The following CCDC38 variants were observed in gnomAD, a reference collection of about 807,000 sequenced individuals.
CCDC38 encodes coiled-coil domain-containing protein 38.
In CCDC38, 69 loss-of-function variants were observed where a neutral mutation model predicts 72.8. The observed-to-expected ratio is 0.95, with a 90% CI of 0.78 to 1.16. CCDC38 has a LOEUF of 1.16. CCDC38 is among the 50% of genes most tolerant of loss of function. The pLI is 0.00. For missense variants in CCDC38, 626 were observed against 638.9 expected, an observed-to-expected ratio of 0.98 and a Z score of 0.22; for synonymous variants, 201 against 213.2, an observed-to-expected ratio of 0.94 and a Z score of 0.50.
chr12:95,889,932 G>A (rs986068269), intron 9 of CCDC38, among the ~76,000 whole-genome samples: 3 of 150,424 alleles, frequency 2.0e-5, no homozygotes, highest in Admixed American at 1.3e-4. Context: ...TTTGACATAG[G>A]GTCTCACTCC....
chr12:95,927,098 G>T (rs2080279985), intron 2 of CCDC38, among the ~76,000 whole-genome samples: 1 of 152,074 alleles, frequency 6.6e-6, no homozygotes, highest in South Asian at 2.1e-4. Flanking sequence ...GGGTATGCTT[G>T]TTGACTTTCT....
chr12:95,872,522 T>C (rs1284300597), intron 13 of CCDC38, 62 bp from the exon 14 acceptor site: 1 of 1,036,812 alleles, frequency 9.6e-7, no homozygotes, highest in African/African-American at 1.6e-5. Flanking sequence ...ATATACCATT[T>C]TACTATATTA....
Position 95,890,792 on chromosome 12 carries a change from T to A in CCDC38, c.871+40A>T, listed in dbSNP as rs372764363. 1.9e-5 allele frequency: 24 copies of A among 1,247,720 alleles called. No individual in the cohort carries two copies. In the African/African-American group the frequency reaches 3.3e-4, roughly 17 times the overall value. The allele number at this position is 1,247,720 out of a possible 1,614,324, so 77.3% of individuals were successfully genotyped here. A position where few individuals can be genotyped will look rare whatever the true frequency, so the allele number is the denominator to read the frequency against. ...TGTCTCCACTTTGAGATGGACACAT[T>A]CGCAGGTTTTACTTTCATGAGTCCC... On this transcript the variant is annotated intron_variant, in intron 9 of 15. Coordinates refer to ENST00000344280, the MANE Select transcript of CCDC38 (RefSeq NM_182496.3).
intron 2 of CCDC38, chr12:95,933,811 A>G (rs2080362638): frequency 6.6e-6 from 1 of 152,232 alleles, no homozygotes; most frequent in Admixed American, 6.5e-5. Context: ...ACTATGGTAC[A>G]TTTGCATTTT....
chr12:95,907,994 C>T (rs1439975804), intron 4 of CCDC38, among the ~76,000 whole-genome samples: 6 of 149,906 alleles, frequency 4.0e-5, no homozygotes, highest in Admixed American at 1.3e-4. Context: ...ACATCCCAGA[C>T]GATGGGCGGC....
chr12:95,875,704 A>G (rs2079628438), intron 13 of CCDC38, among the ~76,000 whole-genome samples: 1 of 152,106 alleles, frequency 6.6e-6, no homozygotes, highest in Non-Finnish European at 1.5e-5. Context: ...CCCACCCCAC[A>G]TTTCACATCT....
At chr12:95,869,085 G>A (rs2079553420) in intron 15 of CCDC38, among the ~76,000 whole-genome samples, 1 of 152,180 alleles carries the variant, frequency 6.6e-6, no homozygotes, top group Admixed American at 6.5e-5. Context: ...CCAGAGGGAT[G>A]CAAATGAACC....
intron 10 of CCDC38, among the ~76,000 whole-genome samples, chr12:95,884,034 C>T (rs537651084): frequency 6.6e-5 from 10 of 152,144 alleles, no homozygotes; most frequent in African/African-American, 9.7e-5. Context: ...GGGAACAAGA[C>T]AAAGATATCT....
At chr12:95,921,988 G>A (rs1384592253) in intron 2 of CCDC38, among the ~76,000 whole-genome samples, 1 of 152,162 alleles carries the variant, frequency 6.6e-6, no homozygotes, top group African/African-American at 2.4e-5. Context: ...GAGTCCCCCA[G>A]GTGGCTGTAA....
intron 2 of CCDC38, among the ~76,000 whole-genome samples, chr12:95,930,725 A>G (rs1333499764): frequency 6.6e-6 from 1 of 152,116 alleles, no homozygotes; most frequent in Admixed American, 6.6e-5. Flanking sequence ...ATGTACATCA[A>G]ATTCCACCAT....
chr12:95,935,452 T>C, intron 2 of CCDC38: 1 of 187,400 alleles, frequency 5.3e-6, no homozygotes, highest in South Asian at 8.3e-5. Context: ...ACCAAGAACA[T>C]AGCCCAGGAA....
chr12:95,924,439 G>A (rs968756389), intron 2 of CCDC38, among the ~76,000 whole-genome samples: 16 of 138,038 alleles, frequency 1.2e-4, no homozygotes, highest in Non-Finnish European at 2.3e-4. Flanking sequence ...CTGGATATTA[G>A]CCCTTTGTCA....
chr12:95,891,845 T>C (rs1205014363), intron 8 of CCDC38, among the ~76,000 whole-genome samples: 2 of 152,178 alleles, frequency 1.3e-5, no homozygotes, highest in Non-Finnish European at 2.9e-5. Flanking sequence ...CCATTAGTGG[T>C]GTGTTGGTAA....
At chr12:95,874,846 A>T (rs1049438327) in intron 13 of CCDC38, among the ~76,000 whole-genome samples, 3 of 152,166 alleles carry the variant, frequency 2.0e-5, no homozygotes, top group Non-Finnish European at 4.4e-5. Flanking sequence ...GCCGGGGTGG[A>T]TATCTAGATG....
Position 95,928,851 on chromosome 12 carries a change from G to A in CCDC38, c.37+7622C>T, listed in dbSNP as rs889530643. 7.9e-5 allele frequency among the ~76,000 whole-genome samples: 12 copies of A among 152,308 alleles called. No homozygotes were observed. The East Asian group carries it at 1.7e-3, about 22-fold the overall frequency. On this transcript the variant is annotated intron_variant, in intron 2 of 15. Transcript: ENST00000344280. ...GGGGTGACTCCCAGTTAGGCTGCTCGGGGGTCAGGGGTCAGGGACCCACTC... is the reference window on the plus strand; with the variant it reads ...GGGGTGACTCCCAGTTAGGCTGCTCAGGGGTCAGGGGTCAGGGACCCACTC...
At chr12:95,912,447 C>T (rs2080103847) in intron 4 of CCDC38, among the ~76,000 whole-genome samples, 1 of 151,732 alleles carries the variant, frequency 6.6e-6, no homozygotes, top group Non-Finnish European at 1.5e-5. Context: ...ATAGTGGTCA[C>T]TAGAAGCAGG....
intron 4 of CCDC38, among the ~76,000 whole-genome samples, chr12:95,909,591 C>G (rs1442525666): frequency 3.9e-5 from 6 of 151,992 alleles, no homozygotes; most frequent in African/African-American, 1.4e-4. Context: ...CTGGCAAAGA[C>G]ACAACAAAAA....
intron 14 of CCDC38, among the ~76,000 whole-genome samples, chr12:95,870,632 TAAA>T (rs543153636): frequency 1.3e-3 from 203 of 152,300 alleles, no homozygotes; most frequent in Non-Finnish European, 2.0e-3. Flanking sequence ...TTTGCTAGTG[TAAA>T]AAAGATGGAA....
At chr12:95,898,905 G>A (rs1208711329) in intron 5 of CCDC38, among the ~76,000 whole-genome samples, 174 bp from the exon 6 acceptor site, 1 of 152,184 alleles carries the variant, frequency 6.6e-6, no homozygotes, top group African/African-American at 2.4e-5. Flanking sequence ...TTAGAGGGGA[G>A]ACTAATTTCC....
Sources: allele counts gnomAD v4.1 joint callset (sites outside exome capture counted in the v4.1 genomes callset), GRCh38; gene constraint gnomAD v4.1.1; transcripts MANE v1.5; gene names NCBI Gene and HGNC (gene_info 2026-07-23, HGNC 2026-07-21).